The following ARHGAP24 variants were observed in gnomAD, a reference collection of about 807,000 sequenced individuals.
ARHGAP24 encodes the protein Rho GTPase activating protein 24.
In ARHGAP24, 50 loss-of-function variants were observed where a neutral mutation model predicts 76.4. That is an observed-to-expected ratio of 0.65 (90% CI 0.52 to 0.83). The LOEUF (loss-of-function observed/expected upper bound fraction) is 0.83. ARHGAP24 is among the 40% of genes least tolerant of loss of function. The pLI is 0.00. For missense variants in ARHGAP24, 930 were observed against 914.2 expected (o/e 1.02, Z -0.22); for synonymous variants, 345 against 323.3 (o/e 1.07, Z -0.72).
intron 2 of ARHGAP24, among the ~76,000 whole-genome samples, chr4:85,584,257 A>G (rs1203404198): frequency 3.3e-5 from 5 of 152,186 alleles, no homozygotes; most frequent in African/African-American, 1.2e-4. Context: ...AATACTATGC[A>G]GCCACAAAAA....
intron 5 of ARHGAP24, among the ~76,000 whole-genome samples, chr4:85,947,621 G>A (rs559091460): frequency 6.6e-6 from 1 of 152,194 alleles, no homozygotes; most frequent in Admixed American, 6.5e-5. Flanking sequence ...CACATGGTGA[G>A]TATGCAAACG....
At chr4:85,829,191 A>C (rs1343088883) in intron 3 of ARHGAP24, among the ~76,000 whole-genome samples, 3 of 152,208 alleles carry the variant, frequency 2.0e-5, no homozygotes, top group Non-Finnish European at 4.4e-5. Context: ...TAATAAAATG[A>C]GAAGGAAAAA....
intron 2 of ARHGAP24, among the ~76,000 whole-genome samples, chr4:85,656,004 C>G (rs1027536683): frequency 1.3e-5 from 2 of 151,890 alleles, no homozygotes; most frequent in African/African-American, 4.8e-5. Flanking sequence ...AATTAATATG[C>G]TATTTCCTTA....
chr4:85,934,218 G>A (rs1736505650), intron 4 of ARHGAP24, among the ~76,000 whole-genome samples: 1 of 152,160 alleles, frequency 6.6e-6, no homozygotes, highest in African/African-American at 2.4e-5. Context: ...TTGCTCACAG[G>A]AGGAAGTCCT....
chr4:85,932,709 G>A (rs28734976), intron 4 of ARHGAP24, among the ~76,000 whole-genome samples: 1,923 of 152,316 alleles, frequency 0.013, 38 homozygotes, highest in African/African-American at 0.043. Context: ...TTTGAACCAG[G>A]ATGAAGAGTT....
chr4:85,593,828 C>T (rs1728211423), intron 2 of ARHGAP24, among the ~76,000 whole-genome samples: 1 of 152,036 alleles, frequency 6.6e-6, no homozygotes, highest in South Asian at 2.1e-4. Flanking sequence ...GCTTTTATGC[C>T]AGTACTATGC....
Position 85,642,859 on chromosome 4 carries a change from C to T in ARHGAP24, c.180+72138C>T, listed in dbSNP as rs920714150. Among the ~76,000 whole-genome samples, 7 of 152,198 alleles carry T rather than the reference C, an allele frequency of 4.6e-5. No homozygotes were observed. The East Asian group carries it at 1.4e-3, about 30-fold the overall frequency. On this transcript the variant is annotated intron_variant, in intron 2 of 9. Transcript: ENST00000395184. ...TTTGCTGAGAACCCTGCAATAGTCCCGTCGTTCTCAGAACAGAAGCTATAA... is the reference window on the plus strand; with the variant it reads ...TTTGCTGAGAACCCTGCAATAGTCCTGTCGTTCTCAGAACAGAAGCTATAA...
intron 3 of ARHGAP24, among the ~76,000 whole-genome samples, chr4:85,915,870 G>T (rs1428553651): frequency 6.6e-6 from 1 of 152,140 alleles, no homozygotes; most frequent in Non-Finnish European, 1.5e-5. Flanking sequence ...GAATAGTGCT[G>T]CAGTAAACAT....
intron 8 of ARHGAP24, among the ~76,000 whole-genome samples, chr4:85,988,928 CTT>C (rs1228918589): frequency 1.3e-5 from 2 of 151,522 alleles, no homozygotes; most frequent in Non-Finnish European, 3.0e-5. Flanking sequence ...TAATTATGGA[CTT>C]ATATCAGAAA....
At chr4:85,725,365 C>T (rs917141237) in intron 3 of ARHGAP24, among the ~76,000 whole-genome samples, 6 of 152,150 alleles carry the variant, frequency 3.9e-5, no homozygotes, top group Admixed American at 2.0e-4. Context: ...TGAAACTGCC[C>T]CCACTCTGCT....
At chr4:85,814,844 C>G (rs1012315586) in intron 3 of ARHGAP24, among the ~76,000 whole-genome samples, 4 of 152,196 alleles carry the variant, frequency 2.6e-5, no homozygotes, top group Non-Finnish European at 5.9e-5. Flanking sequence ...ATTTCCCTTC[C>G]ACATTGCCCT....
chr4:85,737,341 T>A (rs191053595), intron 3 of ARHGAP24, among the ~76,000 whole-genome samples: 13 of 152,138 alleles, frequency 8.5e-5, no homozygotes, highest in Non-Finnish European at 1.6e-4. Context: ...CTGTACTTCC[T>A]GGAAGCCAGC....
At chr4:85,809,410 A>G (rs969541068) in intron 3 of ARHGAP24, among the ~76,000 whole-genome samples, 10 of 152,214 alleles carry the variant, frequency 6.6e-5, no homozygotes. Flanking sequence ...AGAGTCAGCA[A>G]ATGAATTATT....
chr4:85,997,405 T>C (rs1740743111), intron 9 of ARHGAP24, among the ~76,000 whole-genome samples: 1 of 132,736 alleles, frequency 7.5e-6, no homozygotes, highest in Non-Finnish European at 1.6e-5. Flanking sequence ...GATAGATAGA[T>C]AGATAGATAA....
At chr4:85,644,876 A>G (rs1468501308) in intron 2 of ARHGAP24, among the ~76,000 whole-genome samples, 1 of 152,130 alleles carries the variant, frequency 6.6e-6, no homozygotes, top group Non-Finnish European at 1.5e-5. Flanking sequence ...TTAAATTGTC[A>G]TAGTTCAGTC....
chr4:85,600,073 A>C (rs897113447), intron 2 of ARHGAP24, among the ~76,000 whole-genome samples: 2 of 152,202 alleles, frequency 1.3e-5, no homozygotes, highest in Non-Finnish European at 2.9e-5. Flanking sequence ...GTACTGAAAT[A>C]GACAATTAAA....
Position 85,978,088 on chromosome 4 carries a change from T to C in ARHGAP24, c.928+397T>C, listed in dbSNP as rs568364564. 5.9e-5 allele frequency among the ~76,000 whole-genome samples: 9 copies of C among 152,358 alleles called. No homozygotes were observed. The South Asian group carries it at 1.9e-3, about 32-fold the overall frequency. On this transcript the variant is annotated intron_variant, in intron 8 of 9. Coordinates refer to ENST00000395184, the MANE Select transcript of ARHGAP24 (RefSeq NM_001025616.3). Reference sequence around the variant, plus strand: ...TTTATTTGACTGACTTAGGGAAAAATGGTCTTTTATAAGACAATGCTGCTT... The same window carrying C: ...TTTATTTGACTGACTTAGGGAAAAACGGTCTTTTATAAGACAATGCTGCTT...
At chr4:85,797,303 G>T (rs1284015629) in intron 3 of ARHGAP24, among the ~76,000 whole-genome samples, 37 of 152,036 alleles carry the variant, frequency 2.4e-4, no homozygotes, top group Admixed American at 2.4e-3. Flanking sequence ...CTCCCCAGCA[G>T]CTGGGACTAC....
intron 1 of ARHGAP24, among the ~76,000 whole-genome samples, chr4:85,508,508 C>T (rs975201850): frequency 1.3e-5 from 2 of 152,050 alleles, no homozygotes; most frequent in African/African-American, 2.4e-5. Flanking sequence ...GCAAAAAGAC[C>T]GAGTTTTGTC....
Sources: allele counts gnomAD v4.1 joint callset (sites outside exome capture counted in the v4.1 genomes callset), GRCh38; gene constraint gnomAD v4.1.1; transcripts MANE v1.5; gene names NCBI Gene and HGNC (gene_info 2026-07-23, HGNC 2026-07-21).